Variants in FHOD3 observed in about 807,000 individuals in gnomAD.
FHOD3 encodes the protein formin homology 2 domain containing 3.
FHOD3 carries 90 observed loss-of-function variants against 173.0 expected under a neutral mutation model. The observed-to-expected ratio is 0.52, with a 90% CI of 0.44 to 0.62. The LOEUF (loss-of-function observed/expected upper bound fraction) is 0.62. Ranked by LOEUF, FHOD3 falls within the 20% of genes least tolerant of loss-of-function variation. The pLI is 0.00. For missense variants in FHOD3, 1,945 were observed against 2,034.7 expected, an observed-to-expected ratio of 0.96 and a Z score of 0.85; for synonymous variants, 828 against 823.0, an observed-to-expected ratio of 1.01 and a Z score of -0.10.
intron 7 of FHOD3, among the ~76,000 whole-genome samples, chr18:36,596,256 G>A (rs910734779): frequency 3.4e-5 from 5 of 147,882 alleles, no homozygotes; most frequent in East Asian, 4.0e-4. Flanking sequence ...GTGGGTTCAC[G>A]CCATTCTCCT....
At chr18:36,440,732 A>G (rs1223890889) in intron 3 of FHOD3, among the ~76,000 whole-genome samples, 1 of 152,256 alleles carries the variant, frequency 6.6e-6, no homozygotes, top group Non-Finnish European at 1.5e-5. Flanking sequence ...CTCTATTAAT[A>G]TCTCCCCACA....
At chr18:36,474,539 AG>A (rs937490301) in intron 3 of FHOD3, among the ~76,000 whole-genome samples, 2 of 152,204 alleles carry the variant, frequency 1.3e-5, no homozygotes, top group Non-Finnish European at 2.9e-5. Context: ...CTGCAGCTGG[AG>A]GCTTAGAGCC....
At chr18:36,628,702 T>C (rs1187363809) in intron 10 of FHOD3, among the ~76,000 whole-genome samples, 3 of 152,174 alleles carry the variant, frequency 2.0e-5, no homozygotes, top group East Asian at 1.9e-4. Context: ...ACAAATTTCA[T>C]TGGAAGGGGA....
chr18:36,377,965 T>C (rs547659810), intron 3 of FHOD3, among the ~76,000 whole-genome samples: 1 of 152,320 alleles, frequency 6.6e-6, no homozygotes, highest in South Asian at 2.1e-4. Context: ...GAGCTGCAGG[T>C]GGTACACCCT....
rs182619014 is a variant in FHOD3, at chr18:36,500,489, G to A, written c.338-1443G>A. ...TCCCTTTAGGCTAGAATTGAAGCCC[G>A]AGGTGGTTGGCCAATGACGTGACAT... On this transcript the variant is annotated intron_variant, in intron 3 of 28. Transcript: ENST00000590592. Among the ~76,000 whole-genome samples, 9 of 152,302 alleles carry A rather than the reference G, an allele frequency of 5.9e-5. 1 individual carries two copies. The East Asian group carries it at 1.5e-3, about 26-fold the overall frequency.
At chr18:36,698,828 C>A (rs2039424601) in intron 17 of FHOD3, among the ~76,000 whole-genome samples, 1 of 152,146 alleles carries the variant, frequency 6.6e-6, no homozygotes, top group South Asian at 2.1e-4. Flanking sequence ...GTGCCATTTC[C>A]CCAAGCCTCA....
At chr18:36,745,844 G>A (rs1055383493) in intron 23 of FHOD3, among the ~76,000 whole-genome samples, 24 of 138,404 alleles carry the variant, frequency 1.7e-4, no homozygotes, top group African/African-American at 4.6e-4. Context: ...GCTCATCCCC[G>A]CCACACCCTC....
chr18:36,551,192 C>A (rs2057639039), intron 5 of FHOD3, among the ~76,000 whole-genome samples: 1 of 152,026 alleles, frequency 6.6e-6, no homozygotes, highest in South Asian at 2.1e-4. Flanking sequence ...TATAGTGAAC[C>A]ACATTGTTTA....
At chr18:36,751,118 G>A (rs2150156854) in intron 24 of FHOD3, among the ~76,000 whole-genome samples, 2 of 152,278 alleles carry the variant, frequency 1.3e-5, no homozygotes, top group African/African-American at 4.8e-5. Context: ...ATGAGCATGG[G>A]ATATTTTCCA....
chr18:36,471,349 G>A (rs1387422708), intron 3 of FHOD3, among the ~76,000 whole-genome samples: 1 of 152,150 alleles, frequency 6.6e-6, no homozygotes, highest in African/African-American at 2.4e-5. Flanking sequence ...CTGCTTTACT[G>A]TCTGCTTTCT....
In FHOD3 at chr18:36,345,183, G is replaced by A. The variant is rs951986223; in HGVS notation, c.166-10356G>A. ...CATAACACAAGTCTCAAGAAATTTC[G>A]AAGAATTCCAATCATACAGAGTATG... On this transcript the variant is annotated intron_variant, in intron 1 of 28. Coordinates refer to ENST00000590592, the MANE Select transcript of FHOD3 (RefSeq NM_001281740.3). Among the ~76,000 whole-genome samples the A allele has an allele frequency of 1.1e-4, 16 of 150,112 alleles. No homozygotes were observed. The South Asian group carries it at 1.3e-3, about 12-fold the overall frequency.
intron 5 of FHOD3, among the ~76,000 whole-genome samples, chr18:36,535,172 C>G (rs1428565934): frequency 6.6e-6 from 1 of 152,186 alleles, no homozygotes; most frequent in Non-Finnish European, 1.5e-5. Context: ...ATATGCAAGG[C>G]TCCATGGCTT....
chr18:36,431,182 G>A (rs2050530905), intron 3 of FHOD3, among the ~76,000 whole-genome samples: 2 of 152,234 alleles, frequency 1.3e-5, no homozygotes, highest in Non-Finnish European at 2.9e-5. Flanking sequence ...ACATTTATAT[G>A]AAAGATCTAT....
chr18:36,583,394 T>G (rs1481184640), intron 6 of FHOD3, among the ~76,000 whole-genome samples: 2 of 152,206 alleles, frequency 1.3e-5, no homozygotes, highest in Admixed American at 1.3e-4. Flanking sequence ...CAACAGGAGA[T>G]GCCCAGTATG....
chr18:36,746,037 G>A (rs374950982), intron 23 of FHOD3, among the ~76,000 whole-genome samples: 47 of 151,956 alleles, frequency 3.1e-4, no homozygotes, highest in African/African-American at 1.1e-3. Context: ...TTTGTTAAAT[G>A]TGGCCCTCTG....
At chr18:36,584,359 C>A (rs971436345) in intron 6 of FHOD3, among the ~76,000 whole-genome samples, 6 of 152,126 alleles carry the variant, frequency 3.9e-5, no homozygotes, top group African/African-American at 1.4e-4. Context: ...GAGTGACACT[C>A]GACATCTTTC....
intron 1 of FHOD3, among the ~76,000 whole-genome samples, chr18:36,310,098 A>G (rs903952450): frequency 2.0e-5 from 3 of 152,220 alleles, no homozygotes; most frequent in Non-Finnish European, 4.4e-5. Flanking sequence ...GTGTGTTGAC[A>G]CCCAAAGAAG....
intron 3 of FHOD3, among the ~76,000 whole-genome samples, chr18:36,397,701 A>G (rs184841066): frequency 6.6e-6 from 1 of 152,288 alleles, no homozygotes; most frequent in Non-Finnish European, 1.5e-5. Context: ...CTTTTATATA[A>G]TGAACTCCCA....
intron 13 of FHOD3, among the ~76,000 whole-genome samples, chr18:36,654,314 C>A (rs2036265010): frequency 6.6e-6 from 1 of 152,180 alleles, no homozygotes; most frequent in African/African-American, 2.4e-5. Flanking sequence ...GAGGGCTAAT[C>A]TAGATCTATG....
Sources: gnomAD v4.1 joint callset for allele counts (sites outside exome capture counted in the v4.1 genomes callset) on GRCh38, gnomAD v4.1.1 for gene constraint, MANE v1.5 for transcripts, NCBI Gene and HGNC (gene_info 2026-07-23, HGNC 2026-07-21) for gene names.